The following TMPRSS3 variants were observed in gnomAD, a reference collection of about 807,000 sequenced individuals.
The protein encoded by TMPRSS3 is transmembrane protease serine 3.
In TMPRSS3, 55 loss-of-function variants were observed where a neutral mutation model predicts 59.6. The observed-to-expected ratio is 0.92, with a 90% confidence interval of 0.74 to 1.16. The LOEUF is 1.16. TMPRSS3 is among the 50% of genes most tolerant of loss of function. The probability of loss-of-function intolerance (pLI) is 0.00; values close to 1 mark genes in which losing one functional copy is unlikely to be tolerated. For missense variants in TMPRSS3, 596 were observed against 579.4 expected (o/e 1.03, Z -0.29); for synonymous variants, 257 against 237.7 (o/e 1.08, Z -0.75).
rs777243740 is a variant in TMPRSS3 at position 42,376,661 on chromosome 21, G to T, written c.1071C>A (p.Asn357Lys). Residue 357 changes from asparagine (N) to lysine (K), a missense_variant, in exon 11 of 13, where the codon AAC becomes AAA. Transcript: ENST00000644384. ...TGGAAATCAAAGGGACGGCCGCGTGGTTCAGGACAGGGGAGGCGTCACCTG... is the reference window on the plus strand; with the variant it reads ...TGGAAATCAAAGGGACGGCCGCGTGTTTCAGGACAGGGGAGGCGTCACCTG... ...EDGGDASPVL[N>K]HAAVPLISNK... is the part of the protein sequence containing the mutation. The T allele has an allele frequency of 6.2e-7, 1 of 1,614,138 alleles. No homozygotes were observed. The highest frequency in any genetic ancestry group is 8.5e-7 in the Non-Finnish European group (1 of 1,180,034).
chr21:42,376,824 A>G (rs1344461751), intron 10 of TMPRSS3, 141 bp from the exon 11 acceptor site: 18 of 1,340,966 alleles, frequency 1.3e-5, no homozygotes, highest in Non-Finnish European at 1.9e-5. Context: ...GGAAAAGGAC[A>G]GGGCCCTGCG....
At chr21:42,378,019 C>T (rs964526101) in intron 10 of TMPRSS3, among the ~76,000 whole-genome samples, 7 of 152,224 alleles carry the variant, frequency 4.6e-5, no homozygotes, top group South Asian at 2.1e-4. Flanking sequence ...CTGGTTGGTC[C>T]GGAATGAGAG....
At chr21:42,393,235 A>T (rs981987081) in intron 2 of TMPRSS3, among the ~76,000 whole-genome samples, 1 of 132,964 alleles carries the variant, frequency 7.5e-6, no homozygotes, top group Non-Finnish European at 1.6e-5. Flanking sequence ...ACAGAGCGAG[A>T]CCTCGTCTCA....
chr21:42,381,833 A>G lies in TMPRSS3; in HGVS notation c.952+232T>C, dbSNP rs139734105. ...TCAAGTCTGCAAACATGAGAGCCAC[A>G]TTGTCCAGGATACAATTGAAAATCA... is the stretch of plus-strand genomic sequence containing the variant. On this transcript the variant is annotated intron_variant, in intron 9 of 12. Transcript: ENST00000644384. 4,859 of 665,408 alleles carry G rather than the reference A, an allele frequency of 7.3e-3. 23 individuals are homozygous for G. Among genetic ancestry groups the G allele is most frequent in the Non-Finnish European group, 9.9e-3 (3,664 of 370,998 alleles). The allele number at this position is 665,408 out of a possible 1,614,324, so 41.2% of individuals were successfully genotyped here.
At chr21:42,380,342 C>T (rs1306888817) in intron 9 of TMPRSS3, 130 bp from the exon 10 acceptor site, 3 of 773,060 alleles carry the variant, frequency 3.9e-6, no homozygotes, top group Non-Finnish European at 6.7e-6. Context: ...CCCTTGGTTA[C>T]TTGAAAACGA....
rs2052549082 is a variant in TMPRSS3 at position 42,382,347 on chromosome 21, T to A, written c.783-113A>T. 5 of 939,808 alleles carry A rather than the reference T, an allele frequency of 5.3e-6. No homozygotes were observed. The South Asian group carries it at 5.6e-5, about 10-fold the overall frequency. The allele number at this position is 939,808 out of a possible 1,614,324, so 58.2% of individuals were successfully genotyped here. A position where few individuals can be genotyped will look rare whatever the true frequency, so the allele number is the denominator to read the frequency against. ...TGGTGGGAGAGGTTATCAGGCAAGA[T>A]GTGGTCCCATCACCCTGCTTGTTTA... On this transcript the variant is annotated intron_variant, in intron 8 of 12. Transcript: ENST00000644384.
Position 42,388,265 on chromosome 21 carries a change from G to A in TMPRSS3, c.446+138C>T. The A allele has an allele frequency of 8.6e-7, 1 of 1,164,698 alleles. No homozygotes were observed. Among genetic ancestry groups the A allele is most frequent in the Non-Finnish European group, 1.3e-6 (1 of 794,328 alleles). The allele number at this position is 1,164,698 out of a possible 1,614,324, so 72.1% of individuals were successfully genotyped here. A position where few individuals can be genotyped will look rare whatever the true frequency, so the allele number is the denominator to read the frequency against. ...TGCCTGTGAAGTGAGGATGATATCGGGCATCCTAAGGTGGATGTGAGGATG... is the reference window on the plus strand; with the variant it reads ...TGCCTGTGAAGTGAGGATGATATCGAGCATCCTAAGGTGGATGTGAGGATG... On this transcript the variant is annotated intron_variant, in intron 5 of 12. Transcript: ENST00000644384. The surrounding 1 kb of genome is among the most constrained non-coding windows in gnomAD (Gnocchi z 5.1).
chr21:42,387,723 G>A (rs1034871507), intron 5 of TMPRSS3, among the ~76,000 whole-genome samples: 3 of 152,122 alleles, frequency 2.0e-5, no homozygotes, highest in African/African-American at 7.2e-5. Flanking sequence ...TGAGACTTGA[G>A]AGCAAAGGGG....
chr21:42,377,775 C>G (rs1446839374), intron 10 of TMPRSS3, among the ~76,000 whole-genome samples: 1 of 152,218 alleles, frequency 6.6e-6, no homozygotes, highest in Non-Finnish European at 1.5e-5. Context: ...ACAAGACACT[C>G]AGCTTCCTGC....
chr21:42,377,095 G>C (rs1429561988), intron 10 of TMPRSS3, among the ~76,000 whole-genome samples: 4 of 152,206 alleles, frequency 2.6e-5, no homozygotes, highest in South Asian at 4.1e-4. Flanking sequence ...TGTGAACTCT[G>C]GGATGGTCAG....
At position 42,385,440 on chromosome 21, in the gene TMPRSS3, C is replaced by T. The variant is rs148313943; in HGVS notation, c.541G>A (p.Val181Met). 76 of 1,614,034 alleles carry T rather than the reference C, an allele frequency of 4.7e-5. No individual in the cohort carries two copies. Among genetic ancestry groups the T allele is most frequent in the Admixed American group, 5.0e-5 (3 of 60,004 alleles). ...SIDHLLPDDK[V>M]TALHHSVYVR... ...TATACTGAGTGGTGTAATGCAGTCACCTTGTCATCTGGCAAGAGGTGATCG... is the reference window on the plus strand; with the variant it reads ...TATACTGAGTGGTGTAATGCAGTCATCTTGTCATCTGGCAAGAGGTGATCG... The change falls in exon 6 of 13, where the codon GTG becomes ATG. Residue 181 changes from valine to methionine, a missense_variant. Transcript: ENST00000644384.
chr21:42,376,425 C>T (rs1190685963), intron 11 of TMPRSS3, 116 bp downstream of exon 11: 6 of 1,450,010 alleles, frequency 4.1e-6, no homozygotes, highest in Admixed American at 1.9e-5. Flanking sequence ...GAGCAAATTT[C>T]TTCTCCACGC....
Position 42,375,838 on chromosome 21 carries a change from C to G in TMPRSS3, c.1222G>C (p.Glu408Gln). The change falls in exon 12 of 13, where the codon GAG (glutamate) becomes CAG (glutamine). Residue 408 changes from glutamate to glutamine, a missense_variant. By Grantham distance (29) the Glu-to-Gln change is conservative (BLOSUM62 2). Transcript: ENST00000644384. ...GDSGGPLVCQERRLWKLVGAT... is the reference protein window; with the variant it reads ...GDSGGPLVCQQRRLWKLVGAT... ...CCCACTAACTTCCACAGCCTCCTCTCTTGACACACCAGGGGCCCCCCGCTG... is the reference window on the plus strand; with the variant it reads ...CCCACTAACTTCCACAGCCTCCTCTGTTGACACACCAGGGGCCCCCCGCTG... The G allele has an allele frequency of 1.2e-6, 2 of 1,613,810 alleles. No individual in the cohort carries two copies. The highest frequency in any genetic ancestry group is 1.7e-6 in the Non-Finnish European group (2 of 1,180,014).
intron 5 of TMPRSS3, 123 bp from the exon 6 acceptor site, chr21:42,385,657 C>A (rs2052623551): frequency 1.6e-6 from 2 of 1,279,472 alleles, no homozygotes; most frequent in South Asian, 2.4e-5. Flanking sequence ...TCCCCCCAAA[C>A]CCATCAAAGG....
intron 12 of TMPRSS3, among the ~76,000 whole-genome samples, chr21:42,374,278 C>G (rs748372): frequency 0.36 from 54,939 of 151,814 alleles, 11,802 homozygotes; most frequent in African/African-American, 0.61. Context: ...ACTTTCCACC[C>G]AGCCCGAGCA....
rs528840363 is a variant in TMPRSS3, at chr21:42,388,574, T to C, written c.323-48A>G. On this transcript the variant is annotated intron_variant, in intron 4 of 12. Coordinates refer to ENST00000644384, the MANE Select transcript of TMPRSS3 (RefSeq NM_001256317.3). The surrounding 1 kb of genome is among the most constrained non-coding windows in gnomAD (Gnocchi z 5.1). Reference sequence around the variant, plus strand: ...GGCTTATTAGTGGCCAGTGGAACCCTGAGACCATAGGCAGGGGTTTCTCCA... The same window carrying C: ...GGCTTATTAGTGGCCAGTGGAACCCCGAGACCATAGGCAGGGGTTTCTCCA... The C allele has an allele frequency of 1.2e-6, 2 of 1,613,806 alleles. No individual in the cohort carries two copies. Among genetic ancestry groups the C allele is most frequent in the Admixed American group, 1.7e-5 (1 of 60,024 alleles).
At chr21:42,384,773 C>CTA (rs1372662613) in intron 6 of TMPRSS3, among the ~76,000 whole-genome samples, 2 of 152,094 alleles carry the variant, frequency 1.3e-5, no homozygotes, top group Non-Finnish European at 2.9e-5. Context: ...GGGTTTGGGC[C>CTA]TAGATGTCAG....
chr21:42,374,306 C>T (rs553622500), intron 12 of TMPRSS3, among the ~76,000 whole-genome samples: 3 of 152,334 alleles, frequency 2.0e-5, no homozygotes, highest in South Asian at 2.1e-4. Flanking sequence ...CACCACGCCC[C>T]GAGGGGGTGC....
chr21:42,376,435 C>T, intron 11 of TMPRSS3, 106 bp downstream of exon 11: 1 of 1,503,270 alleles, frequency 6.7e-7, no homozygotes, highest in South Asian at 1.2e-5. Flanking sequence ...CTTCTCCACG[C>T]CCTGTAAATT....
Sources: allele counts gnomAD v4.1 joint callset (sites outside exome capture counted in the v4.1 genomes callset), GRCh38; gene constraint gnomAD v4.1.1; non-coding constraint Gnocchi (gnomAD v3.1); transcripts MANE v1.5; gene names NCBI Gene and HGNC (gene_info 2026-07-23, HGNC 2026-07-21).